Variants in PRKAG1 observed in about 807,000 individuals in gnomAD.
The protein encoded by PRKAG1 is 5'-AMP-activated protein kinase subunit gamma-1.
Under a neutral mutation model 48.2 loss-of-function variants are expected in PRKAG1, and 27 were observed. The ratio of observed to expected loss-of-function variants is 0.56; its 90% confidence interval spans 0.41 to 0.77. The LOEUF (loss-of-function observed/expected upper bound fraction) is 0.77. Ranked by LOEUF, PRKAG1 falls within the 30% of genes least tolerant of loss-of-function variation. PRKAG1 has a pLI of 0.00. For synonymous variants in PRKAG1, 130 were observed against 147.7 expected (o/e 0.88, Z 0.87); for missense variants, 287 against 398.3 (o/e 0.72, Z 2.38).
chr12:49,009,778 A>G (rs1941685758), intron 2 of PRKAG1, among the ~76,000 whole-genome samples: 1 of 151,858 alleles, frequency 6.6e-6, no homozygotes, highest in African/African-American at 2.4e-5. Context: ...ATGCCCAGCT[A>G]ATTTTTGTAT....
intron 2 of PRKAG1, chr12:49,012,655 T>G (rs747135157): frequency 5.6e-6 from 1 of 177,698 alleles, no homozygotes; most frequent in Non-Finnish European, 1.2e-5. Flanking sequence ...ATTACAGGTG[T>G]AAGCCACTGC....
intron 2 of PRKAG1, among the ~76,000 whole-genome samples, chr12:49,007,635 GTTGA>G (rs1194781334): frequency 2.0e-5 from 3 of 151,936 alleles, no homozygotes; most frequent in Non-Finnish European, 1.5e-5. Flanking sequence ...ATCTACCTTA[GTTGA>G]TTATTTTGGT....
intron 8 of PRKAG1, 155 bp from the exon 9 acceptor site, chr12:49,004,077 C>T (rs1941416282): frequency 2.9e-6 from 3 of 1,040,438 alleles, no homozygotes; most frequent in Non-Finnish European, 4.0e-6. Context: ...ATTGCTTGAG[C>T]CCAGGAGTTC....
chr12:49,012,370 T>C (rs1565738983), intron 2 of PRKAG1, among the ~76,000 whole-genome samples: 1 of 151,286 alleles, frequency 6.6e-6, no homozygotes, highest in African/African-American at 2.5e-5. Flanking sequence ...TTCCTAATTT[T>C]TTTCTTTCTT....
At chr12:49,018,573 G>A (rs1942103279) in intron 1 of PRKAG1, 159 bp downstream of exon 1, 2 of 1,485,034 alleles carry the variant, frequency 1.3e-6, no homozygotes, top group African/African-American at 1.4e-5. Context: ...GCCCAACGAA[G>A]AAGCGGAGGA....
intron 8 of PRKAG1, 38 bp from the exon 9 acceptor site, chr12:49,003,960 CA>C: frequency 6.4e-7 from 1 of 1,555,718 alleles, no homozygotes; most frequent in Non-Finnish European, 8.7e-7. Flanking sequence ...TCAAGGCACC[CA>C]AAGCCACCCT....
chr12:49,004,296 T>C, intron 8 of PRKAG1: 1 of 604,118 alleles, frequency 1.7e-6, no homozygotes, highest in Non-Finnish European at 2.8e-6. Context: ...TGTCTCAAAA[T>C]AAATTAATAA....
intron 1 of PRKAG1, among the ~76,000 whole-genome samples, chr12:49,014,567 G>C (rs1356118483): frequency 1.3e-5 from 2 of 152,256 alleles, no homozygotes; most frequent in East Asian, 3.8e-4. Context: ...CCATGGCAGA[G>C]AGAGAGCCAC....
chr12:49,008,107 C>T (rs1448048081), intron 2 of PRKAG1, among the ~76,000 whole-genome samples: 2 of 152,144 alleles, frequency 1.3e-5, no homozygotes, highest in East Asian at 3.8e-4. Flanking sequence ...GATCTGCCCG[C>T]TTTGGCCTCC....
chr12:49,013,550 G>A (rs1033335955), intron 1 of PRKAG1, among the ~76,000 whole-genome samples: 5 of 152,032 alleles, frequency 3.3e-5, no homozygotes, highest in African/African-American at 7.2e-5. Context: ...AGCCTTATAA[G>A]GCTCTTCAGA....
chr12:49,005,814 TGAAG>T lies in PRKAG1; in HGVS notation c.93_96del (p.Phe32Ter). 6.2e-7 allele frequency: 1 copy of T among 1,613,762 alleles called. No individual in the cohort carries two copies. The highest frequency in any genetic ancestry group is 8.5e-7 in the Non-Finnish European group (1 of 1,179,798). On this transcript the variant is annotated frameshift_variant, in exon 3 of 12. Coordinates refer to ENST00000548065, the MANE Select transcript of PRKAG1 (RefSeq NM_002733.5). LOFTEE classifies it high-confidence loss of function. This position sits in a 1 kb window ranked among gnomAD's most constrained non-coding sequence, Gnocchi z 4.1. ...AGGTCATAGCAGCGATGAGACTTCATGAAGGAAGTATACACGCTATTGTTGGATT... is the reference window on the plus strand; with the variant it reads ...AGGTCATAGCAGCGATGAGACTTCATGAAGTATACACGCTATTGTTGGATT...
intron 2 of PRKAG1, among the ~76,000 whole-genome samples, chr12:49,006,497 C>T (rs975363271): frequency 6.6e-6 from 1 of 152,230 alleles, no homozygotes; most frequent in African/African-American, 2.4e-5. Context: ...CCCTGATAGT[C>T]CATTCTGGGA....
chr12:49,018,690 T>A, intron 1 of PRKAG1, 42 bp downstream of exon 1: 1 of 1,613,542 alleles, frequency 6.2e-7, no homozygotes, highest in South Asian at 1.1e-5. Flanking sequence ...GGGGGTGTCT[T>A]AGGCTCCACA....
chr12:49,013,235 G>A (rs538254070), intron 1 of PRKAG1, 125 bp from the exon 2 acceptor site: 14 of 803,042 alleles, frequency 1.7e-5, no homozygotes, highest in South Asian at 3.3e-5. Context: ...CACTGCCCCC[G>A]CCAAACCCTT....
intron 8 of PRKAG1, chr12:49,004,174 C>T: frequency 1.9e-6 from 1 of 531,302 alleles, no homozygotes; most frequent in Non-Finnish European, 3.2e-6. Context: ...CACGTGTAGT[C>T]CCAGCTCTTC....
intron 1 of PRKAG1, among the ~76,000 whole-genome samples, chr12:49,015,652 A>C (rs780176549): frequency 7.9e-5 from 12 of 152,090 alleles, no homozygotes; most frequent in Non-Finnish European, 1.3e-4. Flanking sequence ...GGCTCACTGT[A>C]ATCTCCGCCT....
rs139973960 is a variant in PRKAG1 at position 49,011,202 on chromosome 12, T to C, written c.58+1860A>G. 3.7e-3 allele frequency among the ~76,000 whole-genome samples: 570 copies of C among 152,290 alleles called. 6 individuals carry two copies. Among genetic ancestry groups the C allele is most frequent in the African/African-American group, 0.013 (544 of 41,538 alleles). On this transcript the variant is annotated intron_variant, in intron 2 of 11. Coordinates refer to ENST00000548065, the MANE Select transcript of PRKAG1 (RefSeq NM_002733.5). Reference sequence around the variant, plus strand: ...TACCATTGTTATTCAAACTTGAGAATTCAGACTCCCAAGAACATGTCTTTG... The same window carrying C: ...TACCATTGTTATTCAAACTTGAGAACTCAGACTCCCAAGAACATGTCTTTG...
intron 2 of PRKAG1, among the ~76,000 whole-genome samples, chr12:49,007,250 G>A (rs1941578338): frequency 6.7e-6 from 1 of 149,464 alleles, no homozygotes; most frequent in Admixed American, 6.7e-5. Context: ...TTGTGCCTCT[G>A]CACTCCAGCC....
Position 49,002,625 on chromosome 12 carries a change from T to C in PRKAG1, c.*274A>G, listed in dbSNP as rs2137647219. The C allele has an allele frequency of 7.8e-6, 4 of 515,766 alleles. No homozygotes were observed. The highest frequency in any genetic ancestry group is 3.9e-5 in the South Asian group (2 of 50,828). 31.9% of individuals were successfully genotyped at this position (515,766 alleles called of 1,614,324 possible). On this transcript the variant is annotated 3_prime_UTR_variant, in exon 12 of 12. Transcript: ENST00000548065. ...ATTTGTCTGAGAGGCACAGAGCCTA[T>C]AGTTCACCCAGAAAGGGGGATATAT...
Sources: allele counts gnomAD v4.1 joint callset (sites outside exome capture counted in the v4.1 genomes callset), GRCh38; gene constraint gnomAD v4.1.1; non-coding constraint Gnocchi (gnomAD v3.1); transcripts MANE v1.5; gene names NCBI Gene and HGNC (gene_info 2026-07-23, HGNC 2026-07-21).